PHC3: variants seen among roughly 807,000 people sequenced by gnomAD.
The protein encoded by PHC3 is polyhomeotic homolog 3, also known as polyhomeotic-like protein 3.
PHC3 carries 13 observed loss-of-function variants against 107.4 expected under a neutral mutation model. The observed-to-expected ratio is 0.12, with a 90% confidence interval of 0.08 to 0.19. The LOEUF is 0.19. Among genes scored for constraint, PHC3 ranks in the 10% least tolerant of loss-of-function variants. The probability of loss-of-function intolerance (pLI) is 1.00; values close to 1 mark genes in which losing one functional copy is unlikely to be tolerated. For synonymous variants in PHC3, 456 were observed against 427.4 expected (o/e 1.07, Z -0.83); for missense variants, 992 against 1,210.9 (o/e 0.82, Z 2.68).
Position 170,157,901 on chromosome 3 carries a change from C to A in PHC3, c.415-8657G>T, listed in dbSNP as rs895316479. 5.3e-5 allele frequency among the ~76,000 whole-genome samples: 8 copies of A among 151,624 alleles called. No homozygotes were observed. The East Asian group carries it at 1.4e-3, about 26-fold the overall frequency. ...AATATATATAATAAAATAGTCAATG[C>A]AGGTTTACTTATATTAGCAAAAAGA... On this transcript the variant is annotated intron_variant, in intron 4 of 14. Transcript: ENST00000495893.
chr3:170,164,452 G>A (rs1053031883), intron 4 of PHC3, among the ~76,000 whole-genome samples: 7 of 152,046 alleles, frequency 4.6e-5, no homozygotes, highest in South Asian at 4.1e-4. Flanking sequence ...TTCTGCTTGC[G>A]TAATCAAATG....
At chr3:170,177,481 C>T (rs1730654381) in intron 2 of PHC3, among the ~76,000 whole-genome samples, 1 of 152,198 alleles carries the variant, frequency 6.6e-6, no homozygotes, top group African/African-American at 2.4e-5. Context: ...ATACTCCTGC[C>T]TCAGCCTCCC....
At chr3:170,167,619 G>A (rs529290015) in intron 4 of PHC3, among the ~76,000 whole-genome samples, 1 of 152,160 alleles carries the variant, frequency 6.6e-6, no homozygotes, top group South Asian at 2.1e-4. Flanking sequence ...AATTAGCCGG[G>A]CATGGTGGCG....
At chr3:170,140,159 T>G (rs541900799) in intron 6 of PHC3, among the ~76,000 whole-genome samples, 1 of 150,472 alleles carries the variant, frequency 6.6e-6, no homozygotes, top group Non-Finnish European at 1.5e-5. Flanking sequence ...AGGGTTGTTT[T>G]TTTCCTCAAT....
In PHC3 at chr3:170,096,046, C is replaced by CACT. The variant is rs1470130409; in HGVS notation, c.*1181_*1183dup. ...TATTTTCTTGCCAGAAAAGGCTGTG[C>CACT]ACTAGTTCATAGGTATAATCATATT... On this transcript the variant is annotated 3_prime_UTR_variant, in exon 15 of 15. Transcript: ENST00000495893. 1 of 152,146 alleles carries CACT rather than the reference C, an allele frequency of 6.6e-6. No homozygotes were observed. The highest frequency in any genetic ancestry group is 1.5e-5 in the Non-Finnish European group (1 of 68,030). The allele number at this position is 152,146 out of a possible 1,614,324, so 9.4% of individuals were successfully genotyped here. A position where few individuals can be genotyped will look rare whatever the true frequency, so the allele number is the denominator to read the frequency against.
intron 14 of PHC3, among the ~76,000 whole-genome samples, chr3:170,098,020 C>T (rs1482347194): frequency 2.0e-5 from 3 of 152,140 alleles, no homozygotes; most frequent in Non-Finnish European, 4.4e-5. Flanking sequence ...TATCACTGGG[C>T]TTGTCTCCAC....
chr3:170,141,230 C>G (rs1338767474), intron 6 of PHC3, among the ~76,000 whole-genome samples: 1 of 152,194 alleles, frequency 6.6e-6, no homozygotes, highest in East Asian at 1.9e-4. Context: ...CGAAAGTTAT[C>G]ACTGGAATGC....
At position 170,088,294 on chromosome 3, in the gene PHC3, TTAACG is replaced by T. The variant is rs1713701370; in HGVS notation, c.*8931_*8935del. 1 of 152,200 alleles carries T rather than the reference TTAACG, an allele frequency of 6.6e-6. No homozygotes were observed. Among genetic ancestry groups the T allele is most frequent in the Non-Finnish European group, 1.5e-5 (1 of 68,026 alleles). 9.4% of individuals were successfully genotyped at this position (152,200 alleles called of 1,614,324 possible). ...ACCAAAAGGGGAATTAAAAAATTGG[TTAACG>T]TGTGCTTGAAGCATCCAAAAAACAC... On this transcript the variant is annotated 3_prime_UTR_variant, in exon 15 of 15. Coordinates refer to ENST00000495893, the MANE Select transcript of PHC3 (RefSeq NM_024947.4).
At position 170,119,524 on chromosome 3, in the gene PHC3, A is replaced by G. The variant is rs997437245; in HGVS notation, c.1943-2048T>C. Among the ~76,000 whole-genome samples the G allele has an allele frequency of 1.2e-4, 19 of 152,178 alleles. 1 individual carries two copies. The highest frequency in any genetic ancestry group is 3.4e-4 in the African/African-American group (14 of 41,464). On this transcript the variant is annotated intron_variant, in intron 9 of 14. Transcript: ENST00000495893. ...TTTGAAGATGGTAATAGCTATTTACATAAGTTGTAAAAATCGAAAACATGA... is the reference window on the plus strand; with the variant it reads ...TTTGAAGATGGTAATAGCTATTTACGTAAGTTGTAAAAATCGAAAACATGA...
chr3:170,120,809 T>C (rs866826901), intron 9 of PHC3, among the ~76,000 whole-genome samples: 1 of 152,230 alleles, frequency 6.6e-6, no homozygotes, highest in South Asian at 2.1e-4. Context: ...ACAGGGTTAG[T>C]GGTCCCATAA....
At chr3:170,136,369 T>A (rs764075482) in intron 7 of PHC3, 50 bp downstream of exon 7, 1 of 1,607,958 alleles carries the variant, frequency 6.2e-7, no homozygotes, top group South Asian at 1.1e-5. Context: ...TTGCTCTGTC[T>A]GCTAAGAAAA....
intron 11 of PHC3, among the ~76,000 whole-genome samples, chr3:170,112,120 T>C (rs1717911675): frequency 1.3e-5 from 2 of 152,222 alleles, no homozygotes; most frequent in African/African-American, 4.8e-5. Flanking sequence ...TGCTTTTAAA[T>C]AGCAAATTCA....
intron 4 of PHC3, among the ~76,000 whole-genome samples, chr3:170,166,042 TTTTA>T: frequency 6.6e-6 from 1 of 151,008 alleles, no homozygotes; most frequent in East Asian, 1.9e-4. Context: ...CAAATAATAA[TTTTA>T]TTTATTTTTA....
chr3:170,104,688 T>C (rs1196872413), intron 12 of PHC3, among the ~76,000 whole-genome samples: 1 of 152,196 alleles, frequency 6.6e-6, no homozygotes, highest in Non-Finnish European at 1.5e-5. Context: ...TCACCTACAT[T>C]TTATAAAGAT....
In PHC3 at chr3:170,117,468, C is replaced by G; in HGVS notation, c.1951G>C (p.Glu651Gln). The change falls in exon 10 of 15, where the codon GAA becomes CAA. Residue 651 changes from glutamate (E) to glutamine (Q), a missense_variant. By Grantham distance (29) the Glu-to-Gln change is conservative (BLOSUM62 2). Coordinates refer to ENST00000495893, the MANE Select transcript of PHC3 (RefSeq NM_024947.4). ...TSEHPLLEQV[E>Q]LPAVASVSAS... is the part of the protein sequence containing the mutation. ...CTGACTGATGCCACAGCAGGTAATT[C>G]CACTTGCTCTGAAAAAAAAACCAAA... is the stretch of plus-strand genomic sequence containing the variant. 1 of 1,588,408 alleles carries G rather than the reference C, an allele frequency of 6.3e-7. No homozygotes were observed. Among genetic ancestry groups the G allele is most frequent in the Non-Finnish European group, 8.5e-7 (1 of 1,170,260 alleles).
intron 7 of PHC3, among the ~76,000 whole-genome samples, chr3:170,132,192 A>G (rs1269088824): frequency 6.6e-6 from 1 of 152,190 alleles, no homozygotes; most frequent in Non-Finnish European, 1.5e-5. Flanking sequence ...ACATATATAT[A>G]TAATTCTATT....
In PHC3 at chr3:170,128,702, T is replaced by C. The variant is rs778410339; in HGVS notation, c.1770A>G (p.Ala590=). 1 of 1,613,950 alleles carries C rather than the reference T, an allele frequency of 6.2e-7. No homozygotes were observed. The highest frequency in any genetic ancestry group is 1.1e-5 in the South Asian group (1 of 91,078). ...VAVNLQVQPP[A]PVDPPVVYQV... ...GGCTTACCACTGGTGGATCAACAGG[T>C]GCTGGTGGTTGCACTTGTAGGTTTA... The change falls in exon 8 of 15, where the codon GCA becomes GCG. Residue 590 remains alanine (A), a synonymous_variant. Transcript: ENST00000495893.
Position 170,087,861 on chromosome 3 carries a change from T to G in PHC3, c.*9369A>C, listed in dbSNP as rs568496261. On this transcript the variant is annotated 3_prime_UTR_variant, in exon 15 of 15. Coordinates refer to ENST00000495893, the MANE Select transcript of PHC3 (RefSeq NM_024947.4). The stretch of plus-strand genomic sequence containing the variant: ...TAAATGCTCAATTTACTTCACTGAA[T>G]ACAGACACAACAAATATGAAAATCT... The G allele has an allele frequency of 1.3e-5, 2 of 152,306 alleles. No homozygotes were observed. Among genetic ancestry groups the G allele is most frequent in the South Asian group, 4.1e-4 (2 of 4,826 alleles). 9.4% of individuals were successfully genotyped at this position (152,306 alleles called of 1,614,324 possible).
chr3:170,153,475 CT>C (rs1726349171), intron 4 of PHC3, among the ~76,000 whole-genome samples: 1 of 152,046 alleles, frequency 6.6e-6, no homozygotes, highest in Non-Finnish European at 1.5e-5. Context: ...ATTTAAGAAT[CT>C]TCTGAGGCCG....
Sources: gnomAD v4.1 joint callset for allele counts (sites outside exome capture counted in the v4.1 genomes callset) on GRCh38, gnomAD v4.1.1 for gene constraint, MANE v1.5 for transcripts, NCBI Gene and HGNC (gene_info 2026-07-23, HGNC 2026-07-21) for gene names.